The following EHBP1L1 variants were observed in gnomAD, a reference collection of about 807,000 sequenced individuals.
EHBP1L1 encodes EH domain-binding protein 1-like protein 1.
In EHBP1L1, 122 loss-of-function variants were observed where a neutral mutation model predicts 151.1. The observed-to-expected ratio is 0.81, with a 90% CI of 0.70 to 0.94. The LOEUF (loss-of-function observed/expected upper bound fraction) is 0.94. EHBP1L1 is among the 40% of genes least tolerant of loss of function. The pLI is 0.00. For missense variants in EHBP1L1, 1,941 were observed against 1,959.8 expected (o/e 0.99, Z 0.18); for synonymous variants, 878 against 810.1 (o/e 1.08, Z -1.42).
At chr11:65,578,504 C>T (rs1857430798) in intron 1 of EHBP1L1, among the ~76,000 whole-genome samples, 1 of 152,192 alleles carries the variant, frequency 6.6e-6, no homozygotes, top group African/African-American at 2.4e-5. Flanking sequence ...CCTCACATCA[C>T]CCTGGAGTTC....
Position 65,590,610 on chromosome 11 carries a change from G to T in EHBP1L1, c.4283+18G>T. 6.2e-7 allele frequency: 1 copy of T among 1,610,480 alleles called. No homozygotes were observed. Among genetic ancestry groups the T allele is most frequent in the Non-Finnish European group, 8.5e-7 (1 of 1,178,004 alleles). ...CAGCTGCTGTGAGTGCTGGCCCCGGGCCAGGAGAGCAGAGGGACTCTTAGC... is the reference window on the plus strand; with the variant it reads ...CAGCTGCTGTGAGTGCTGGCCCCGGTCCAGGAGAGCAGAGGGACTCTTAGC... On this transcript the variant is annotated intron_variant, in intron 16 of 18. Transcript: ENST00000309295.
chr11:65,580,102 G>T lies in EHBP1L1; in HGVS notation c.334G>T (p.Val112Leu), dbSNP rs776024729. The T allele has an allele frequency of 2.2e-5, 36 of 1,613,222 alleles. No individual in the cohort carries two copies. Among genetic ancestry groups the T allele is most frequent in the Non-Finnish European group, 2.7e-5 (32 of 1,179,628 alleles). Residue 112 changes from valine to leucine, a missense_variant, in exon 5 of 19, where the codon GTG becomes TTG. Transcript: ENST00000309295. ...IENESKGQRK[V>L]LATAEVDLAR... ...ACAGGAGTCTAAGGGGCAGCGGAAG[G>T]TGCTGGCCACGGCCGAGGTGGACCT... is the stretch of plus-strand genomic sequence containing the variant.
At position 65,592,385 on chromosome 11, in the gene EHBP1L1, C is replaced by A. The variant is rs1324050447; in HGVS notation, c.*83C>A. The A allele has an allele frequency of 9.3e-6, 10 of 1,073,644 alleles. No homozygotes were observed. The highest frequency in any genetic ancestry group is 4.9e-5 in the East Asian group (1 of 20,228). The allele number at this position is 1,073,644 out of a possible 1,614,324, so 66.5% of individuals were successfully genotyped here. On this transcript the variant is annotated 3_prime_UTR_variant, in exon 19 of 19. Transcript: ENST00000309295. ...GGGCCTGCGCTGCGGACGACCCGGC[C>A]GTCCCGGAGGCCGCGCGCGTGTCCG...
chr11:65,586,911 T>G lies in EHBP1L1; in HGVS notation c.3933+1320T>G, dbSNP rs78669051. ...CCAAGTCAGGCCTTCCCCCAGCTCT[T>G]GTCTCACAGGAGATATCTGACCCAT... On this transcript the variant is annotated intron_variant, in intron 12 of 18. Coordinates refer to ENST00000309295, the MANE Select transcript of EHBP1L1 (RefSeq NM_001099409.3). Among the ~76,000 whole-genome samples the G allele has an allele frequency of 2.8e-3, 433 of 152,304 alleles. 14 individuals carry two copies. The East Asian group carries it at 0.065, about 23-fold the overall frequency.
chr11:65,585,724 G>C lies in EHBP1L1; in HGVS notation c.3933+133G>C, dbSNP rs1857936783. The stretch of plus-strand genomic sequence containing the variant: ...AGGGTGACGGTTTCAGAGTGGCGGG[G>C]CTCGGCTGGACCCAGGAGGGGCTAT... On this transcript the variant is annotated intron_variant, in intron 12 of 18. Coordinates refer to ENST00000309295, the MANE Select transcript of EHBP1L1 (RefSeq NM_001099409.3). The surrounding 1 kb of genome is among the most constrained non-coding windows in gnomAD (Gnocchi z 4.0). 7.1e-7 allele frequency: 1 copy of C among 1,409,810 alleles called. No homozygotes were observed. Among genetic ancestry groups the C allele is most frequent in the African/African-American group, 1.5e-5 (1 of 68,542 alleles). The allele number at this position is 1,409,810 out of a possible 1,614,324, so 87.3% of individuals were successfully genotyped here.
intron 12 of EHBP1L1, among the ~76,000 whole-genome samples, chr11:65,587,097 G>A (rs1345941748): frequency 6.6e-6 from 1 of 152,192 alleles, no homozygotes; most frequent in African/African-American, 2.4e-5. Context: ...ATTTGAGGCC[G>A]GGCACCGTGG....
chr11:65,576,460 GC>G, intron 1 of EHBP1L1, 54 bp downstream of exon 1: 1 of 1,484,744 alleles, frequency 6.7e-7, no homozygotes, highest in Non-Finnish European at 9.1e-7. Flanking sequence ...ACCTCATCCG[GC>G]CCTTTGAGCC....
At chr11:65,591,389 A>G (rs1858279407) in intron 16 of EHBP1L1, 1 of 287,566 alleles carries the variant, frequency 3.5e-6, no homozygotes, top group Non-Finnish European at 6.7e-6. Context: ...AGAAGCCCAG[A>G]GAGATCTGAT....
chr11:65,584,155 G>A lies in EHBP1L1; in HGVS notation c.3094-86G>A, dbSNP rs553801031. 9.1e-6 allele frequency: 14 copies of A among 1,546,294 alleles called. No homozygotes were observed. The South Asian group carries it at 1.5e-4, about 16-fold the overall frequency. On this transcript the variant is annotated intron_variant, in intron 9 of 18. Transcript: ENST00000309295. ...CCCCTGCAAGCTCAGAGATGGGGCT[G>A]TTGTGTGCCAGGCATGAGCTTCCCC...
At chr11:65,589,169 C>T (rs1235589537) in intron 12 of EHBP1L1, among the ~76,000 whole-genome samples, 2 of 152,166 alleles carry the variant, frequency 1.3e-5, no homozygotes, top group Admixed American at 6.5e-5. Flanking sequence ...CTTTGGGAGG[C>T]CAAAGTGAGC....
chr11:65,584,555 G>T (rs768543446), intron 11 of EHBP1L1, 21 bp downstream of exon 11: 1 of 1,607,670 alleles, frequency 6.2e-7, no homozygotes. Context: ...GTGGGGGACT[G>T]CCTGGAGGGA....
chr11:65,585,566 C>T lies in EHBP1L1; in HGVS notation c.3908C>T (p.Ala1303Val), dbSNP rs777416642. 5 of 1,581,468 alleles carry T rather than the reference C, an allele frequency of 3.2e-6. No individual in the cohort carries two copies. The Admixed American group carries it at 5.2e-5, about 16-fold the overall frequency. ...SSSFSMDDPD[A>V]GAMGAAAAEG... ...TCGTTCTCGATGGACGATCCGGACG[C>T]GGGAGCCATGGGAGCTGCGGCTGCA... is the stretch of plus-strand genomic sequence containing the variant. Residue 1303 changes from alanine to valine, a missense_variant, in exon 12 of 19, where the codon GCG (alanine) becomes GTG (valine). By Grantham distance (64) the Ala-to-Val change is moderately conservative. Coordinates refer to ENST00000309295, the MANE Select transcript of EHBP1L1 (RefSeq NM_001099409.3). The surrounding 1 kb of genome is among the most constrained non-coding windows in gnomAD (Gnocchi z 4.0).
intron 11 of EHBP1L1, 97 bp downstream of exon 11, chr11:65,584,631 G>A (rs1484958042): frequency 6.7e-6 from 10 of 1,486,282 alleles, no homozygotes; most frequent in African/African-American, 1.4e-5. Context: ...GGGCCCAGCA[G>A]TGGCTTCTGG....
intron 6 of EHBP1L1, 28 bp from the exon 7 acceptor site, chr11:65,581,029 GC>G (rs760284150): frequency 6.3e-7 from 1 of 1,576,668 alleles, no homozygotes; most frequent in Admixed American, 1.8e-5. Flanking sequence ...GGCTGACTCT[GC>G]CCTTCTCCCC....
In EHBP1L1 at chr11:65,582,589, G is replaced by T; in HGVS notation, c.1917G>T (p.Gly639=). ...EGLETQETEV[G]VIETPGTETE... is the part of the protein sequence containing the mutation. Reference sequence around the variant, plus strand: ...TGGAGACCCAGGAAACAGAGGTGGGGGTCATAGAGACCCCAGGGACAGAGA... The same window carrying T: ...TGGAGACCCAGGAAACAGAGGTGGGTGTCATAGAGACCCCAGGGACAGAGA... The change falls in exon 9 of 19, where the codon GGG becomes GGT. Residue 639 remains glycine (G), a synonymous_variant. Coordinates refer to ENST00000309295, the MANE Select transcript of EHBP1L1 (RefSeq NM_001099409.3). 1 of 1,613,458 alleles carries T rather than the reference G, an allele frequency of 6.2e-7. No homozygotes were observed. The highest frequency in any genetic ancestry group is 8.5e-7 in the Non-Finnish European group (1 of 1,179,828).
At position 65,590,679 on chromosome 11, in the gene EHBP1L1, A is replaced by T. The variant is rs1375197130; in HGVS notation, c.4283+87A>T. ...TCACTACTTTCTTATTCCTACAGAGATCTTTTTGACAAACGATTCCTCTTC... is the reference window on the plus strand; with the variant it reads ...TCACTACTTTCTTATTCCTACAGAGTTCTTTTTGACAAACGATTCCTCTTC... On this transcript the variant is annotated intron_variant, in intron 16 of 18. Transcript: ENST00000309295. The T allele has an allele frequency of 9.3e-6, 11 of 1,181,478 alleles. No homozygotes were observed. In the Admixed American group the frequency reaches 1.8e-4, roughly 19 times the overall value. The allele number at this position is 1,181,478 out of a possible 1,614,324, so 73.2% of individuals were successfully genotyped here. A position where few individuals can be genotyped will look rare whatever the true frequency, so the allele number is the denominator to read the frequency against.
chr11:65,582,837 A>C lies in EHBP1L1; in HGVS notation c.2165A>C (p.Lys722Thr). Residue 722 changes from lysine (K) to threonine (T), a missense_variant, in exon 9 of 19, where the codon AAA becomes ACA. Physicochemically the swap from Lys to Thr is moderately conservative, Grantham distance 78 (BLOSUM62 -1). Coordinates refer to ENST00000309295, the MANE Select transcript of EHBP1L1 (RefSeq NM_001099409.3). ...PESEAEGTEA[K>T]ILGTQEITAR... ...TCAGAGGCTGAGGGGACAGAAGCTA[A>C]AATATTAGGGACCCAGGAGATAACA... 2 of 1,613,316 alleles carry C rather than the reference A, an allele frequency of 1.2e-6. No homozygotes were observed. The highest frequency in any genetic ancestry group is 1.7e-6 in the Non-Finnish European group (2 of 1,179,742).
In EHBP1L1 at chr11:65,584,262, T is replaced by G. The variant is rs752655689; in HGVS notation, c.3115T>G (p.Ser1039Ala). 1 of 1,610,710 alleles carries G rather than the reference T, an allele frequency of 6.2e-7. No homozygotes were observed. The highest frequency in any genetic ancestry group is 1.7e-5 in the Admixed American group (1 of 59,118). ...GSQAPPALVS[S>A]SQSLLEWCQE... The stretch of plus-strand genomic sequence containing the variant: ...TCAGGCACCACCTGCCCTGGTCAGC[T>G]CCAGCCAGTCCCTGCTGGAGTGGTG... Residue 1039 changes from serine to alanine, a missense_variant, in exon 10 of 19, where the codon TCC (serine) becomes GCC (alanine). Ser to Ala is a moderately conservative substitution (Grantham distance 99). Transcript: ENST00000309295.
chr11:65,580,465 G>A lies in EHBP1L1; in HGVS notation c.620G>A (p.Arg207Gln), dbSNP rs370384862. The change falls in exon 6 of 19, where the codon CGA (arginine) becomes CAA (glutamine). Residue 207 changes from arginine (R) to glutamine (Q), a missense_variant. Transcript: ENST00000309295. ...CCAGGAGCCCCGGAGGCCCGGGCTC[G>A]AGTCCCCCAGCCAGGTGGGCTCACA... is the stretch of plus-strand genomic sequence containing the variant. ...HGPGAPEARA[R>Q]VPQPDPSREL... The A allele has an allele frequency of 5.8e-5, 93 of 1,612,174 alleles. No individual in the cohort carries two copies. The African/African-American group carries it at 7.3e-4, about 13-fold the overall frequency.
Sources: allele counts gnomAD v4.1 joint callset (sites outside exome capture counted in the v4.1 genomes callset), GRCh38; gene constraint gnomAD v4.1.1; non-coding constraint Gnocchi (gnomAD v3.1); transcripts MANE v1.5; gene names NCBI Gene and HGNC (gene_info 2026-07-23, HGNC 2026-07-21).